The following UBE3B variants were observed in gnomAD, a reference collection of about 807,000 sequenced individuals.
UBE3B encodes ubiquitin protein ligase E3B.
In UBE3B, 80 loss-of-function variants were observed where a neutral mutation model predicts 132.3. The observed-to-expected ratio is 0.60, with a 90% CI of 0.50 to 0.73. The LOEUF (loss-of-function observed/expected upper bound fraction) is 0.73, where lower values mean the gene tolerates loss of function less well. Among genes scored for constraint, UBE3B ranks in the 30% least tolerant of loss-of-function variants. The pLI is 0.00. For missense variants in UBE3B, 1,196 were observed against 1,362.5 expected (o/e 0.88, Z 1.92); for synonymous variants, 487 against 520.4 (o/e 0.94, Z 0.87).
At chr12:109,488,058 T>C (rs552766612) in intron 6 of UBE3B, among the ~76,000 whole-genome samples, 1 of 152,366 alleles carries the variant, frequency 6.6e-6, no homozygotes, top group East Asian at 1.9e-4. Context: ...TAGTGCATCA[T>C]ACGCATTAAT....
chr12:109,511,435 T>G, intron 18 of UBE3B, 132 bp downstream of exon 18: 1 of 801,152 alleles, frequency 1.2e-6, no homozygotes, highest in Non-Finnish European at 2.0e-6. Context: ...AAACGGTGGT[T>G]GCTATTACTT....
At chr12:109,519,159 C>G (rs1881407376) in intron 19 of UBE3B, among the ~76,000 whole-genome samples, 1 of 152,206 alleles carries the variant, frequency 6.6e-6, no homozygotes, top group African/African-American at 2.4e-5. Flanking sequence ...TCCCCTGTCT[C>G]TGTCAAAGGC....
the UBE3B span, among the ~76,000 whole-genome samples, chr12:109,546,067 CA>C: frequency 2.0e-5 from 3 of 152,186 alleles, no homozygotes; most frequent in Non-Finnish European, 4.4e-5. Flanking sequence ...GGCAGAGTTG[CA>C]AGTGGGACAG....
At chr12:109,516,918 G>A in intron 19 of UBE3B, 34 bp downstream of exon 19, 1 of 1,604,476 alleles carries the variant, frequency 6.2e-7, no homozygotes, top group Non-Finnish European at 8.5e-7. Context: ...CTACCACAAG[G>A]AAGTGGGCCC....
intron 25 of UBE3B, among the ~76,000 whole-genome samples, 191 bp downstream of exon 25, chr12:109,530,263 C>G (rs749720246): frequency 7.9e-5 from 12 of 152,190 alleles, no homozygotes; most frequent in Non-Finnish European, 1.8e-4. Flanking sequence ...GAAGTGGAAG[C>G]AGGCCTGAGG....
intron 18 of UBE3B, among the ~76,000 whole-genome samples, chr12:109,513,876 C>T (rs563063288): frequency 6.6e-6 from 1 of 152,230 alleles, no homozygotes; most frequent in South Asian, 2.1e-4. Context: ...TGTCTTGTTG[C>T]CCCTCCGCCC....
At chr12:109,515,545 T>C (rs1430636280) in intron 18 of UBE3B, among the ~76,000 whole-genome samples, 1 of 152,048 alleles carries the variant, frequency 6.6e-6, no homozygotes, top group Non-Finnish European at 1.5e-5. Context: ...AATTCTATAT[T>C]TTTAGTAGAG....
In UBE3B at chr12:109,535,568, C is replaced by G. The variant is rs1365356435; in HGVS notation, c.*786C>G. The stretch of plus-strand genomic sequence containing the variant: ...GCAGCAGCCCCGTTTCCAGAATGTG[C>G]TGCCTGTTCCCCAAAGCCTGCTTGT... On this transcript the variant is annotated 3_prime_UTR_variant, in exon 28 of 28. Coordinates refer to ENST00000342494, the MANE Select transcript of UBE3B (RefSeq NM_130466.4). 6.6e-6 allele frequency: 1 copy of G among 152,302 alleles called. No individual in the cohort carries two copies. The highest frequency in any genetic ancestry group is 1.5e-5 in the Non-Finnish European group (1 of 68,088). The allele number at this position is 152,302 out of a possible 1,614,324, so 9.4% of individuals were successfully genotyped here.
intron 16 of UBE3B, 112 bp downstream of exon 16, chr12:109,509,826 G>C (rs1880131923): frequency 2.9e-6 from 2 of 680,884 alleles, no homozygotes; most frequent in Non-Finnish European, 5.0e-6. Flanking sequence ...TTAATAGAAG[G>C]TGCACATTTA....
chr12:109,483,407 G>T, intron 2 of UBE3B, 124 bp from the exon 3 acceptor site: 1 of 946,354 alleles, frequency 1.1e-6, no homozygotes, highest in Middle Eastern at 3.5e-4. Flanking sequence ...GCTTTGGAGG[G>T]TGTTGACAGG....
In UBE3B at chr12:109,519,326, A is replaced by G. The variant is rs138792545; in HGVS notation, c.2077-1822A>G. Among the ~76,000 whole-genome samples the G allele has an allele frequency of 3.9e-5, 6 of 152,360 alleles. No individual in the cohort carries two copies. In the East Asian group the frequency reaches 9.6e-4, roughly 24 times the overall value. On this transcript the variant is annotated intron_variant, in intron 19 of 27. Transcript: ENST00000342494. Reference sequence around the variant, plus strand: ...AACGCTGACTCACATTCACCTCCCAAGAGGCATGGATATAATCCTCGCATA... The same window carrying G: ...AACGCTGACTCACATTCACCTCCCAGGAGGCATGGATATAATCCTCGCATA...
chr12:109,486,690 T>A (rs1281020883), intron 6 of UBE3B, 115 bp downstream of exon 6: 3 of 822,910 alleles, frequency 3.6e-6, no homozygotes. Flanking sequence ...AGTTGCTAGT[T>A]GAGCCACTGT....
chr12:109,491,320 T>C (rs1877437470), intron 9 of UBE3B, 193 bp downstream of exon 9: 1 of 442,604 alleles, frequency 2.3e-6, no homozygotes, highest in Non-Finnish European at 4.0e-6. Flanking sequence ...GTCTTGAATA[T>C]TTCTTAATCT....
At chr12:109,508,078 G>A (rs1592929633) in intron 15 of UBE3B, among the ~76,000 whole-genome samples, 1 of 151,060 alleles carries the variant, frequency 6.6e-6, no homozygotes, top group African/African-American at 2.4e-5. Context: ...CAGAGCCAGG[G>A]TGCAGATCCT....
chr12:109,486,407 GT>G, intron 5 of UBE3B, 63 bp from the exon 6 acceptor site: 1 of 1,347,700 alleles, frequency 7.4e-7, no homozygotes, highest in Non-Finnish European at 1.0e-6. Context: ...AGTTCCAACA[GT>G]TAGAGCACAA....
chr12:109,515,368 TTG>T (rs1880904590), intron 18 of UBE3B, among the ~76,000 whole-genome samples: 1 of 136,300 alleles, frequency 7.3e-6, no homozygotes, highest in Non-Finnish European at 1.7e-5. Flanking sequence ...TGTTTTTTTG[TTG>T]TTGTTGTTGT....
chr12:109,516,871 C>G lies in UBE3B; in HGVS notation c.2063C>G (p.Ser688Cys). The G allele has an allele frequency of 6.2e-7, 1 of 1,613,962 alleles. No individual in the cohort carries two copies. Among genetic ancestry groups the G allele is most frequent in the East Asian group, 2.2e-5 (1 of 44,862 alleles). ...PHVTHITIRR[S>C]RMLEDGYEQL... Reference sequence around the variant, plus strand: ...GTCACTCACATCACCATCCGCCGGTCCAGGATGCTGGAGGTGAGTGTGAAG... The same window carrying G: ...GTCACTCACATCACCATCCGCCGGTGCAGGATGCTGGAGGTGAGTGTGAAG... The change falls in exon 19 of 28, where the codon TCC (serine) becomes TGC (cysteine). Residue 688 changes from serine to cysteine, a missense_variant. Ser to Cys is a moderately radical substitution (Grantham distance 112). Coordinates refer to ENST00000342494, the MANE Select transcript of UBE3B (RefSeq NM_130466.4).
In UBE3B at chr12:109,535,666, C is replaced by T. The variant is rs1883369736; in HGVS notation, c.*884C>T. ...TATCTAATGAGGAACAAACACTAAC[C>T]TAAGGTACACATCCCATCTGGGCGG... On this transcript the variant is annotated 3_prime_UTR_variant, in exon 28 of 28. Transcript: ENST00000342494. The T allele has an allele frequency of 6.6e-6, 1 of 152,186 alleles. No homozygotes were observed. Among genetic ancestry groups the T allele is most frequent in the African/African-American group, 2.4e-5 (1 of 41,432 alleles). 9.4% of individuals were successfully genotyped at this position (152,186 alleles called of 1,614,324 possible).
intron 9 of UBE3B, 96 bp downstream of exon 9, chr12:109,491,223 T>C: frequency 1.7e-6 from 2 of 1,153,182 alleles, no homozygotes; most frequent in South Asian, 3.1e-5. Context: ...GGTATAGACT[T>C]GCCCATTTTG....
Sources: gnomAD v4.1 joint callset for allele counts (sites outside exome capture counted in the v4.1 genomes callset) on GRCh38, gnomAD v4.1.1 for gene constraint, MANE v1.5 for transcripts, NCBI Gene and HGNC (gene_info 2026-07-23, HGNC 2026-07-21) for gene names.